The following CMYA5 variants were observed in gnomAD, a reference collection of about 807,000 sequenced individuals.
The protein encoded by CMYA5 is cardiomyopathy-associated protein 5.
In CMYA5, 246 loss-of-function variants were observed where a neutral mutation model predicts 318.9. That is an observed-to-expected ratio of 0.77 (90% confidence interval 0.70 to 0.86). The LOEUF (loss-of-function observed/expected upper bound fraction) is 0.86. Among genes scored for constraint, CMYA5 ranks in the 40% least tolerant of loss-of-function variants. The pLI is 0.00. For synonymous variants in CMYA5, 1,641 were observed against 1,729.5 expected (o/e 0.95, Z 1.27); for missense variants, 4,589 against 4,678.2 (o/e 0.98, Z 0.56).
At chr5:79,742,020 T>G (rs1371489037) in intron 2 of CMYA5, among the ~76,000 whole-genome samples, 2 of 151,486 alleles carry the variant, frequency 1.3e-5, no homozygotes, top group African/African-American at 4.9e-5. Context: ...TCCTTTCTCC[T>G]CCTTCCTCCT....
rs1304676095 is a variant in CMYA5 at position 79,737,218 on chromosome 5, A to G, written c.8453A>G (p.Gln2818Arg). ...TATTTGCTGTCACCTGTAAAACCAC[A>G]AACTCTTGCTTCAGGAGCTTCTCCA... is the stretch of plus-strand genomic sequence containing the variant. Reference protein sequence around the residue: ...PPYLLSPVKPQTLASGASPEI... With the variant: ...PPYLLSPVKPRTLASGASPEI... Residue 2818 changes from glutamine (Q) to arginine (R), a missense_variant, in exon 2 of 13, where the codon CAA becomes CGA. Gln to Arg is a conservative substitution (Grantham distance 43). This residue lies in a region of CMYA5 where 2,431 missense variants were observed against 2,495.1 expected (regional missense o/e 0.97). Transcript: ENST00000446378. The G allele has an allele frequency of 6.2e-7, 1 of 1,613,766 alleles. No individual in the cohort carries two copies. Among genetic ancestry groups the G allele is most frequent in the South Asian group, 1.1e-5 (1 of 91,068 alleles).
At chr5:79,700,296 G>A (rs1436965060) in intron 1 of CMYA5, among the ~76,000 whole-genome samples, 3 of 152,186 alleles carry the variant, frequency 2.0e-5, no homozygotes, top group Admixed American at 1.3e-4. Flanking sequence ...AAAGCCTTAC[G>A]TAAGTTATTT....
At chr5:79,766,450 A>G (rs1828753096) in intron 9 of CMYA5, among the ~76,000 whole-genome samples, 1 of 152,210 alleles carries the variant, frequency 6.6e-6, no homozygotes, top group African/African-American at 2.4e-5. Context: ...TTTGTCATAA[A>G]TAGCTCTTAT....
chr5:79,737,799 A>G lies in CMYA5; in HGVS notation c.9034A>G (p.Lys3012Glu), dbSNP rs1828114125. The change falls in exon 2 of 13, where the codon AAA becomes GAA. Residue 3012 changes from lysine (K) to glutamate (E), a missense_variant. Lys to Glu is a moderately conservative substitution (Grantham distance 56). This residue lies in a region of CMYA5 where 2,431 missense variants were observed against 2,495.1 expected (regional missense o/e 0.97). Transcript: ENST00000446378. ...ATTAAAGAGCAGGTTAGAAGATGAA[A>G]AAGTTACCCCATTGAAAGAAAATAA... ...KTLKSRLEDEKVTPLKENKQK... is the reference protein window; with the variant it reads ...KTLKSRLEDEEVTPLKENKQK... 1 of 1,610,014 alleles carries G rather than the reference A, an allele frequency of 6.2e-7. No individual in the cohort carries two copies. Among genetic ancestry groups the G allele is most frequent in the Admixed American group, 1.7e-5 (1 of 59,182 alleles).
At chr5:79,759,050 T>C in intron 7 of CMYA5, 148 bp downstream of exon 7, 1 of 662,694 alleles carries the variant, frequency 1.5e-6, no homozygotes, top group Non-Finnish European at 2.2e-6. Context: ...AACCATATAA[T>C]GAAATAATAA....
intron 1 of CMYA5, among the ~76,000 whole-genome samples, chr5:79,717,893 T>TGCTGAACTGTTATTCAGCAA (rs1339573535): frequency 3.2e-5 from 3 of 93,366 alleles, no homozygotes; most frequent in Admixed American, 9.0e-5. Flanking sequence ...TATTTTTTTT[T>TGCTGAACTGTTATTCAGCAA]TTTTTTTTTT....
intron 9 of CMYA5, among the ~76,000 whole-genome samples, chr5:79,769,729 G>A (rs1828820221): frequency 6.6e-6 from 1 of 152,176 alleles, no homozygotes; most frequent in South Asian, 2.1e-4. Context: ...CGTATGAGGT[G>A]TCTGTAGACC....
At chr5:79,727,299 G>A (rs750881396) in intron 1 of CMYA5, among the ~76,000 whole-genome samples, 16 of 152,196 alleles carry the variant, frequency 1.1e-4, no homozygotes, top group African/African-American at 2.9e-4. Flanking sequence ...CCAGACCCTC[G>A]TACAATTAAA....
At position 79,799,419 on chromosome 5, in the gene CMYA5, C is replaced by G; in HGVS notation, c.12013C>G (p.Arg4005Gly). 6.2e-7 allele frequency: 1 copy of G among 1,613,588 alleles called. No individual in the cohort carries two copies. Among genetic ancestry groups the G allele is most frequent in the African/African-American group, 1.3e-5 (1 of 75,040 alleles). ...TGTGAGTGATGTTCATGTGACTGAGCGTCCAGCCAGAGTGGGCATCCTGCT... is the reference window on the plus strand; with the variant it reads ...TGTGAGTGATGTTCATGTGACTGAGGGTCCAGCCAGAGTGGGCATCCTGCT... The part of the protein sequence containing the change: ...GIVSDVHVTE[R>G]PARVGILLDY... The change falls in exon 13 of 13, where the codon CGT becomes GGT. Residue 4005 changes from arginine (R) to glycine (G), a missense_variant. Transcript: ENST00000446378.
chr5:79,725,701 G>A (rs1016035270), intron 1 of CMYA5, among the ~76,000 whole-genome samples: 3 of 152,214 alleles, frequency 2.0e-5, no homozygotes, highest in Non-Finnish European at 4.4e-5. Context: ...CCAGAAGTTC[G>A]AGGCCAGCCT....
chr5:79,691,155 A>C (rs1826963717), intron 1 of CMYA5, among the ~76,000 whole-genome samples: 1 of 152,188 alleles, frequency 6.6e-6, no homozygotes, highest in Admixed American at 6.5e-5. Flanking sequence ...GTACTGTGCA[A>C]GGGCAGAAGA....
chr5:79,734,626 C>T lies in CMYA5; in HGVS notation c.5861C>T (p.Ser1954Phe), dbSNP rs928346754. The T allele has an allele frequency of 4.3e-6, 7 of 1,613,724 alleles. No individual in the cohort carries two copies. The highest frequency in any genetic ancestry group is 5.9e-6 in the Non-Finnish European group (7 of 1,179,810). ...GTCCTGCCGCATTCTGCTGAAGAAT[C>T]TCATTTGTCATCACAAGAAGCAGTA... ...KQVLPHSAEE[S>F]HLSSQEAVSA... Residue 1954 changes from serine (S) to phenylalanine (F), a missense_variant, in exon 2 of 13, where the codon TCT becomes TTT. By Grantham distance (155) the Ser-to-Phe change is radical (BLOSUM62 -2). This residue lies in a region of CMYA5 where 2,431 missense variants were observed against 2,495.1 expected (regional missense o/e 0.97). Transcript: ENST00000446378.
At position 79,799,835 on chromosome 5, in the gene CMYA5, CTTTAG is replaced by C. The variant is rs775413579; in HGVS notation, c.*224_*228del. The stretch of plus-strand genomic sequence containing the variant: ...CAGAATGAAAACAACAACCTCCACT[CTTTAG>C]TTTATATAAGTTTGAGTTCTTTCCT... On this transcript the variant is annotated 3_prime_UTR_variant, in exon 13 of 13. Transcript: ENST00000446378. 6.1e-5 allele frequency: 26 copies of C among 426,938 alleles called. No individual in the cohort carries two copies. The highest frequency in any genetic ancestry group is 2.8e-4 in the Admixed American group (7 of 25,194). The allele number at this position is 426,938 out of a possible 1,614,324, so 26.4% of individuals were successfully genotyped here. A position where few individuals can be genotyped will look rare whatever the true frequency, so the allele number is the denominator to read the frequency against.
At chr5:79,774,348 C>T (rs1489602609) in intron 9 of CMYA5, 1 of 152,274 alleles carries the variant, frequency 6.6e-6, no homozygotes, top group African/African-American at 2.4e-5. Context: ...TACTCACCTT[C>T]TTCCTGTTTT....
At chr5:79,748,782 G>C (rs577880699) in intron 5 of CMYA5, among the ~76,000 whole-genome samples, 1 of 152,204 alleles carries the variant, frequency 6.6e-6, no homozygotes, top group Non-Finnish European at 1.5e-5. Flanking sequence ...CAGGCCAAGT[G>C]ATCTGCCCAC....
Position 79,730,712 on chromosome 5 carries a change from TGA to T in CMYA5, c.1951_1952del (p.Ser651LeufsTer8), listed in dbSNP as rs769983910. ...AYSPAAAPTS[E>X]SSLSPSTTEK... The stretch of plus-strand genomic sequence containing the variant: ...ATTCCCCAGCTGCAGCCCCTACATC[TGA>T]GAGCTCTCTCTCACCATCCACAACT... On this transcript the variant is annotated frameshift_variant, in exon 2 of 13. Coordinates refer to ENST00000446378, the MANE Select transcript of CMYA5 (RefSeq NM_153610.5). LOFTEE classifies it high-confidence loss of function. 7.4e-5 allele frequency: 119 copies of T among 1,613,784 alleles called. No individual in the cohort carries two copies. Among genetic ancestry groups the T allele is most frequent in the Non-Finnish European group, 9.2e-5 (108 of 1,179,852 alleles).
At chr5:79,726,193 A>G (rs1333914571) in intron 1 of CMYA5, among the ~76,000 whole-genome samples, 1 of 152,202 alleles carries the variant, frequency 6.6e-6, no homozygotes, top group Non-Finnish European at 1.5e-5. Flanking sequence ...GCTGGTAATG[A>G]AAACTTCTCT....
intron 12 of CMYA5, among the ~76,000 whole-genome samples, chr5:79,797,961 A>G (rs1210232070): frequency 1.3e-5 from 2 of 152,096 alleles, no homozygotes; most frequent in Non-Finnish European, 2.9e-5. Flanking sequence ...GCCTTCTGTA[A>G]GAGCCCAGCT....
intron 11 of CMYA5, among the ~76,000 whole-genome samples, chr5:79,792,887 C>G (rs138990022): frequency 6.6e-6 from 1 of 152,210 alleles, no homozygotes. Flanking sequence ...GACTGTTGAC[C>G]GCTAATTATA....
Sources: gnomAD v4.1 joint callset for allele counts (sites outside exome capture counted in the v4.1 genomes callset) on GRCh38, gnomAD v4.1.1 for gene constraint, gnomAD v4.1.1 regional missense constraint, MANE v1.5 for transcripts, NCBI Gene and HGNC (gene_info 2026-07-23, HGNC 2026-07-21) for gene names.